The following MAN1A1 variants were observed in gnomAD, a reference collection of about 807,000 sequenced individuals.
MAN1A1 encodes the protein mannosidase alpha class 1A member 1, also known as mannosyl-oligosaccharide 1,2-alpha-mannosidase IA.
Under a neutral mutation model 70.8 loss-of-function variants are expected in MAN1A1, and 29 were observed. The observed-to-expected ratio is 0.41, with a 90% CI of 0.31 to 0.56. The LOEUF is 0.56. MAN1A1 is among the 20% of genes least tolerant of loss of function. The probability of loss-of-function intolerance (pLI) is 0.29; values close to 1 mark genes in which losing one functional copy is unlikely to be tolerated. For missense variants in MAN1A1, 747 were observed against 841.3 expected, an observed-to-expected ratio of 0.89 and a Z score of 1.39; for synonymous variants, 349 against 330.1, an observed-to-expected ratio of 1.06 and a Z score of -0.62.
At chr6:119,271,938 C>T (rs975876017) in intron 5 of MAN1A1, among the ~76,000 whole-genome samples, 2 of 152,118 alleles carry the variant, frequency 1.3e-5, no homozygotes, top group African/African-American at 4.8e-5. Flanking sequence ...ACAAGTACCT[C>T]GTATCCTATT....
chr6:119,305,800 T>C (rs953322601), intron 3 of MAN1A1, among the ~76,000 whole-genome samples: 1 of 152,166 alleles, frequency 6.6e-6, no homozygotes, highest in Non-Finnish European at 1.5e-5. Context: ...CAAAGACTCG[T>C]ATTATTTTCA....
At chr6:119,267,911 T>G (rs1407829315) in intron 5 of MAN1A1, among the ~76,000 whole-genome samples, 1 of 152,212 alleles carries the variant, frequency 6.6e-6, no homozygotes, top group Non-Finnish European at 1.5e-5. Context: ...GGAGACTTAT[T>G]CTATGGGTTC....
chr6:119,283,730 C>T (rs1776282265), intron 5 of MAN1A1, among the ~76,000 whole-genome samples: 1 of 151,974 alleles, frequency 6.6e-6, no homozygotes, highest in Non-Finnish European at 1.5e-5. Flanking sequence ...GTCTGTTATA[C>T]AGTGGAAGGT....
At chr6:119,277,937 A>C (rs1776117577) in intron 5 of MAN1A1, among the ~76,000 whole-genome samples, 1 of 60,964 alleles carries the variant, frequency 1.6e-5, no homozygotes, top group South Asian at 8.6e-4. Context: ...ACTCCATCTC[A>C]AAAAAAAAAA....
intron 5 of MAN1A1, among the ~76,000 whole-genome samples, chr6:119,277,936 C>CAAAAAAAAAA (rs58837799): frequency 8.6e-5 from 2 of 23,178 alleles, no homozygotes; most frequent in Non-Finnish European, 1.5e-4. Flanking sequence ...GACTCCATCT[C>CAAAAAAAAAA]AAAAAAAAAA....
At chr6:119,191,997 A>AG (rs397817890) in intron 9 of MAN1A1, among the ~76,000 whole-genome samples, 6 of 151,620 alleles carry the variant, frequency 4.0e-5, no homozygotes, top group Non-Finnish European at 8.8e-5. Context: ...TGGATTGAAA[A>AG]TTAGCTTTTA....
At chr6:119,310,829 A>G (rs1321501085) in intron 2 of MAN1A1, among the ~76,000 whole-genome samples, 2 of 152,218 alleles carry the variant, frequency 1.3e-5, no homozygotes, top group Non-Finnish European at 2.9e-5. Context: ...AGGCCTGTAC[A>G]GCAGCTATAG....
intron 2 of MAN1A1, among the ~76,000 whole-genome samples, chr6:119,345,484 C>T (rs996582747): frequency 9.2e-5 from 14 of 152,182 alleles, no homozygotes; most frequent in Non-Finnish European, 1.5e-5. Flanking sequence ...TGAAGTTTTA[C>T]ATCAAAGATT....
At chr6:119,306,270 A>T (rs2114449025) in intron 3 of MAN1A1, among the ~76,000 whole-genome samples, 1 of 152,288 alleles carries the variant, frequency 6.6e-6, no homozygotes, top group South Asian at 2.1e-4. Flanking sequence ...GACCCAAAGA[A>T]TCCATGACAC....
intron 6 of MAN1A1, among the ~76,000 whole-genome samples, chr6:119,239,210 A>G (rs944430790): frequency 2.6e-5 from 4 of 152,220 alleles, no homozygotes; most frequent in Non-Finnish European, 4.4e-5. Flanking sequence ...AGATGAATAA[A>G]GGAATCCTAA....
At position 119,180,436 on chromosome 6, in the gene MAN1A1, T is replaced by C. The variant is rs764320128; in HGVS notation, c.1720-9A>G. ...CAATGGTTTTCCAAGGCCTAAATTA[T>C]AGAGGAGGAAAAAAAAAAGTCACAT... On this transcript the variant is annotated splice_polypyrimidine_tract_variant and intron_variant, in intron 11 of 12. Transcript: ENST00000368468. The C allele has an allele frequency of 4.8e-6, 7 of 1,444,686 alleles. No individual in the cohort carries two copies. Among genetic ancestry groups the C allele is most frequent in the Non-Finnish European group, 6.7e-6 (7 of 1,040,538 alleles). The allele number at this position is 1,444,686 out of a possible 1,614,324, so 89.5% of individuals were successfully genotyped here. A position where few individuals can be genotyped will look rare whatever the true frequency, so the allele number is the denominator to read the frequency against.
At chr6:119,310,450 T>C (rs1772670471) in intron 2 of MAN1A1, among the ~76,000 whole-genome samples, 1 of 152,258 alleles carries the variant, frequency 6.6e-6, no homozygotes, top group African/African-American at 2.4e-5. Context: ...ATTTCCGTAG[T>C]TTGTAGGATG....
chr6:119,193,905 G>A lies in MAN1A1; in HGVS notation c.1211-13C>T. 1.3e-6 allele frequency: 2 copies of A among 1,542,462 alleles called. No homozygotes were observed. The highest frequency in any genetic ancestry group is 2.3e-5 in the East Asian group (1 of 44,320). ...ACTGATACATGATCTGGAAAGAGAG[G>A]GAAATGAATTTTAGAGTGATTCAGC... is the stretch of plus-strand genomic sequence containing the variant. On this transcript the variant is annotated splice_polypyrimidine_tract_variant and intron_variant, in intron 8 of 12. Coordinates refer to ENST00000368468, the MANE Select transcript of MAN1A1 (RefSeq NM_005907.4).
At chr6:119,261,742 T>G (rs1775620064) in intron 5 of MAN1A1, among the ~76,000 whole-genome samples, 1 of 152,192 alleles carries the variant, frequency 6.6e-6, no homozygotes, top group Non-Finnish European at 1.5e-5. Context: ...TAAACTCAGT[T>G]TTAGATAAAA....
intron 9 of MAN1A1, among the ~76,000 whole-genome samples, chr6:119,191,174 C>A (rs940451435): frequency 1.1e-4 from 16 of 152,250 alleles, no homozygotes; most frequent in African/African-American, 3.6e-4. Context: ...TTAGTTATTA[C>A]ATTAATATTT....
intron 6 of MAN1A1, among the ~76,000 whole-genome samples, chr6:119,224,933 C>A (rs999456417): frequency 1.3e-5 from 2 of 152,000 alleles, no homozygotes; most frequent in African/African-American, 4.8e-5. Context: ...TCAAGACCAG[C>A]CTGCTCAACA....
chr6:119,230,124 C>A (rs1026270011), intron 6 of MAN1A1, among the ~76,000 whole-genome samples: 11 of 152,198 alleles, frequency 7.2e-5, no homozygotes, highest in African/African-American at 2.4e-4. Flanking sequence ...CTATACCCAA[C>A]ATTTCAAGGG....
chr6:119,323,296 A>C (rs1773064990), intron 2 of MAN1A1, among the ~76,000 whole-genome samples: 1 of 152,240 alleles, frequency 6.6e-6, no homozygotes, highest in African/African-American at 2.4e-5. Flanking sequence ...ACAATGACCC[A>C]AAAATGATGC....
chr6:119,304,999 T>C (rs1772490072), intron 3 of MAN1A1, among the ~76,000 whole-genome samples: 1 of 152,180 alleles, frequency 6.6e-6, no homozygotes, highest in African/African-American at 2.4e-5. Context: ...AGTTCCATTG[T>C]ATTGGTATTT....
Sources: gnomAD v4.1 joint callset for allele counts (sites outside exome capture counted in the v4.1 genomes callset) on GRCh38, gnomAD v4.1.1 for gene constraint, MANE v1.5 for transcripts, NCBI Gene and HGNC (gene_info 2026-07-23, HGNC 2026-07-21) for gene names.